Variants in DPYD observed in about 807,000 individuals in gnomAD.
DPYD encodes dihydropyrimidine dehydrogenase [NADP(+)].
Under a neutral mutation model 116.2 loss-of-function variants are expected in DPYD, and 109 were observed. That is an observed-to-expected ratio of 0.94 (90% CI 0.80 to 1.10). The LOEUF is 1.10. DPYD is among the 50% of genes least tolerant of loss of function. The pLI, the probability that DPYD is intolerant of heterozygous loss-of-function variation, is 0.00. For missense variants in DPYD, 1,302 were observed against 1,254.5 expected, an observed-to-expected ratio of 1.04 and a Z score of -0.57; for synonymous variants, 440 against 432.0, an observed-to-expected ratio of 1.02 and a Z score of -0.23.
intron 11 of DPYD, among the ~76,000 whole-genome samples, chr1:97,564,734 T>A (rs994464900): frequency 2.0e-5 from 3 of 152,154 alleles, no homozygotes; most frequent in African/African-American, 7.2e-5. Flanking sequence ...ATCCTGACTA[T>A]TCTACTTAAG....
At chr1:97,419,194 G>T (rs965324530) in intron 14 of DPYD, among the ~76,000 whole-genome samples, 1 of 152,120 alleles carries the variant, frequency 6.6e-6, no homozygotes, top group African/African-American at 2.4e-5. Context: ...TTTACCTTTA[G>T]TGAATGGAGC....
intron 5 of DPYD, among the ~76,000 whole-genome samples, chr1:97,703,793 A>C (rs1661741089): frequency 6.6e-6 from 1 of 152,058 alleles, no homozygotes; most frequent in Non-Finnish European, 1.5e-5. Flanking sequence ...GGAAATAAAT[A>C]ATTTAGAGGC....
chr1:97,357,926 C>T (rs962873941), intron 16 of DPYD, among the ~76,000 whole-genome samples: 8 of 152,294 alleles, frequency 5.3e-5, no homozygotes, highest in Middle Eastern at 3.4e-3. Context: ...AGCTGAGGTA[C>T]CTGGTTCATC....
At chr1:97,681,508 G>A (rs1327827686) in intron 7 of DPYD, among the ~76,000 whole-genome samples, 1 of 151,902 alleles carries the variant, frequency 6.6e-6, no homozygotes, top group Non-Finnish European at 1.5e-5. Context: ...GGACAACCAA[G>A]GTGAGATTAA....
intron 2 of DPYD, among the ~76,000 whole-genome samples, chr1:97,840,105 T>C (rs1225045506): frequency 1.3e-5 from 2 of 152,136 alleles, no homozygotes; most frequent in African/African-American, 4.8e-5. Flanking sequence ...TTAAAGGATA[T>C]TAAGAATAAC....
chr1:97,518,335 CT>C (rs1648383517), intron 12 of DPYD, among the ~76,000 whole-genome samples: 1 of 152,036 alleles, frequency 6.6e-6, no homozygotes, highest in Non-Finnish European at 1.5e-5. Flanking sequence ...TTTTTTCATA[CT>C]GTGCAACACA....
At chr1:97,197,281 A>AT (rs963186674) in intron 19 of DPYD, among the ~76,000 whole-genome samples, 1 of 151,824 alleles carries the variant, frequency 6.6e-6, no homozygotes, top group African/African-American at 2.4e-5. Flanking sequence ...CCACAGGGGT[A>AT]TTTTTTTTCT....
chr1:97,508,027 C>T (rs749308897), intron 13 of DPYD, among the ~76,000 whole-genome samples: 3 of 151,972 alleles, frequency 2.0e-5, no homozygotes, highest in South Asian at 2.1e-4. Flanking sequence ...GTATGTATTG[C>T]GTCCTTTCTA....
chr1:97,697,264 T>A (rs1398271157), intron 6 of DPYD, among the ~76,000 whole-genome samples: 3 of 151,584 alleles, frequency 2.0e-5, no homozygotes, highest in African/African-American at 4.9e-5. Flanking sequence ...TCCAGTGATT[T>A]CTTAAAAAGT....
At chr1:97,379,860 T>C (rs542103819) in intron 15 of DPYD, among the ~76,000 whole-genome samples, 20 of 152,308 alleles carry the variant, frequency 1.3e-4, no homozygotes, top group Middle Eastern at 3.4e-3. Flanking sequence ...GATGAGAGAA[T>C]GGGTGATTCT....
At chr1:97,743,563 A>G (rs1664382442) in intron 3 of DPYD, among the ~76,000 whole-genome samples, 2 of 152,148 alleles carry the variant, frequency 1.3e-5, no homozygotes, top group Admixed American at 1.3e-4. Context: ...ATGCCATAAT[A>G]GATATTACAG....
At chr1:97,883,241 A>T in intron 2 of DPYD, 23 bp downstream of exon 2, 1 of 1,519,380 alleles carries the variant, frequency 6.6e-7, no homozygotes. Context: ...TTCAGCATGA[A>T]ATAGTGTATC....
chr1:97,751,454 G>A (rs1178026006), intron 3 of DPYD, among the ~76,000 whole-genome samples: 833 of 29,218 alleles, frequency 0.029, 7 homozygotes, highest in South Asian at 0.066. Context: ...GTGTGTGTGT[G>A]TGTGTGTATA....
intron 20 of DPYD, among the ~76,000 whole-genome samples, chr1:97,139,592 C>T (rs780741232): frequency 9.9e-5 from 15 of 152,136 alleles, no homozygotes; most frequent in Admixed American, 2.0e-4. Context: ...TGGTTTTAAA[C>T]GTCATTACCA....
intron 3 of DPYD, among the ~76,000 whole-genome samples, chr1:97,806,517 T>G (rs1668085818): frequency 6.6e-6 from 1 of 151,896 alleles, no homozygotes; most frequent in Non-Finnish European, 1.5e-5. Context: ...ACTTCCTTTT[T>G]TAGAATATTT....
chr1:97,564,636 A>G (rs1477558202), intron 11 of DPYD, among the ~76,000 whole-genome samples: 2 of 152,128 alleles, frequency 1.3e-5, no homozygotes, highest in Admixed American at 1.3e-4. Context: ...GATCTCTTCT[A>G]TCTGTGAGTT....
chr1:97,501,750 A>G (rs1478564033), intron 13 of DPYD, among the ~76,000 whole-genome samples: 1 of 152,046 alleles, frequency 6.6e-6, no homozygotes, highest in East Asian at 1.9e-4. Flanking sequence ...AAATCCTACA[A>G]ACACTGATAA....
chr1:97,399,163 A>T (rs1353186424), intron 14 of DPYD, among the ~76,000 whole-genome samples: 2 of 152,176 alleles, frequency 1.3e-5, no homozygotes, highest in African/African-American at 4.8e-5. Context: ...CTTTCTACAT[A>T]TGGCTAGCCA....
At chr1:97,219,593 C>T (rs928849642) in intron 19 of DPYD, among the ~76,000 whole-genome samples, 1 of 151,984 alleles carries the variant, frequency 6.6e-6, no homozygotes, top group African/African-American at 2.4e-5. Flanking sequence ...TTATAAGCAG[C>T]TAACCAAGGG....
Sources: allele counts gnomAD v4.1 joint callset (sites outside exome capture counted in the v4.1 genomes callset), GRCh38; gene constraint gnomAD v4.1.1; transcripts MANE v1.5; gene names NCBI Gene and HGNC (gene_info 2026-07-23, HGNC 2026-07-21).